The following CHN2 variants were observed in gnomAD, a reference collection of about 807,000 sequenced individuals.
The protein encoded by CHN2 is chimerin 2.
A neutral mutation model predicts 56.3 loss-of-function variants in CHN2; 35 were observed. That is an observed-to-expected ratio of 0.62 (90% CI 0.47 to 0.82). The LOEUF (loss-of-function observed/expected upper bound fraction) is 0.82, where lower values mean the gene tolerates loss of function less well. CHN2 is among the 40% of genes least tolerant of loss of function. The pLI, the probability that CHN2 is intolerant of heterozygous loss-of-function variation, is 0.00. For missense variants in CHN2, 491 were observed against 580.5 expected (o/e 0.85, Z 1.58); for synonymous variants, 210 against 212.8 (o/e 0.99, Z 0.12).
At chr7:29,199,792 T>G (rs1202854708) in intron 1 of CHN2, 1 of 152,212 alleles carries the variant, frequency 6.6e-6, no homozygotes, top group African/African-American at 2.4e-5. Context: ...ACCCAGTGAT[T>G]TGTGAACTTG....
intron 1 of CHN2, among the ~76,000 whole-genome samples, chr7:29,322,013 C>T (rs1171865513): frequency 2.0e-5 from 3 of 152,192 alleles, no homozygotes; most frequent in Admixed American, 1.3e-4. Context: ...AAATAGAGTG[C>T]TCTTAGCCCT....
intron 1 of CHN2, chr7:29,212,773 G>T: frequency 6.2e-7 from 1 of 1,610,220 alleles, no homozygotes. Context: ...AAAACAACTG[G>T]CCGAAGAATA....
At chr7:29,390,483 G>A (rs543445909) in intron 3 of CHN2, among the ~76,000 whole-genome samples, 2 of 152,276 alleles carry the variant, frequency 1.3e-5, no homozygotes, top group South Asian at 4.1e-4. Flanking sequence ...TTCTTGTCAT[G>A]ATATATTGCA....
At chr7:29,250,485 G>A (rs1788405306) in intron 1 of CHN2, among the ~76,000 whole-genome samples, 1 of 152,200 alleles carries the variant, frequency 6.6e-6, no homozygotes, top group Admixed American at 6.5e-5. Flanking sequence ...AACAGCAACA[G>A]AGGTGTCTGA....
chr7:29,268,283 AACACACACACAC>A (rs145638795), intron 1 of CHN2, among the ~76,000 whole-genome samples: 32 of 134,244 alleles, frequency 2.4e-4, no homozygotes, highest in African/African-American at 4.2e-4. Flanking sequence ...GCTTCACCAG[AACACACACACAC>A]ACACACACAC....
chr7:29,376,780 C>T (rs17157833), intron 3 of CHN2, among the ~76,000 whole-genome samples: 55,247 of 151,968 alleles, frequency 0.36, 10,444 homozygotes, highest in African/African-American at 0.43. Context: ...TACTTCCTCC[C>T]AGATGTTATT....
intron 2 of CHN2, among the ~76,000 whole-genome samples, chr7:29,185,941 G>A (rs1798656170): frequency 1.3e-5 from 2 of 152,110 alleles, no homozygotes; most frequent in African/African-American, 2.4e-5. Context: ...AGGGAAACTC[G>A]CCCATGTGAA....
intron 7 of CHN2, among the ~76,000 whole-genome samples, chr7:29,494,971 A>AAAAAAAAAAG (rs1789106026): frequency 1.3e-5 from 2 of 150,502 alleles, no homozygotes; most frequent in Non-Finnish European, 3.0e-5. Context: ...AAAAAAAAAA[A>AAAAAAAAAAG]AAAAAAAAAA....
At chr7:29,261,868 G>A (rs1041126222) in intron 1 of CHN2, among the ~76,000 whole-genome samples, 2 of 152,174 alleles carry the variant, frequency 1.3e-5, no homozygotes, top group African/African-American at 2.4e-5. Context: ...ATTTTAAAGA[G>A]CAATAAAGTA....
intron 6 of CHN2, among the ~76,000 whole-genome samples, chr7:29,444,972 AAG>A (rs1328519869): frequency 6.6e-6 from 1 of 152,200 alleles, no homozygotes; most frequent in East Asian, 1.9e-4. Flanking sequence ...AATAGAAGAA[AAG>A]AGAGGTTTAT....
At chr7:29,417,932 A>G (rs1803941440) in intron 6 of CHN2, among the ~76,000 whole-genome samples, 2 of 152,198 alleles carry the variant, frequency 1.3e-5, no homozygotes, top group Non-Finnish European at 2.9e-5. Flanking sequence ...GCCTGGCTTG[A>G]AGATGGCAGC....
intron 3 of CHN2, among the ~76,000 whole-genome samples, chr7:29,385,049 G>A (rs1800812356): frequency 6.6e-6 from 1 of 152,092 alleles, no homozygotes; most frequent in African/African-American, 2.4e-5. Flanking sequence ...TTCCAGGGAG[G>A]GAGGAGGTTC....
At chr7:29,161,353 C>A (rs1215259449) in intron 2 of CHN2, among the ~76,000 whole-genome samples, 1 of 152,112 alleles carries the variant, frequency 6.6e-6, no homozygotes, top group Non-Finnish European at 1.5e-5. Flanking sequence ...TCAGGAAAAC[C>A]TAAGGATTTC....
chr7:29,380,319 AG>A (rs1800396739), intron 3 of CHN2, among the ~76,000 whole-genome samples: 1 of 152,340 alleles, frequency 6.6e-6, no homozygotes, highest in Admixed American at 6.5e-5. Context: ...ATATGTATAA[AG>A]CACAAATACC....
chr7:29,304,959 G>A (rs1296184308), intron 1 of CHN2, among the ~76,000 whole-genome samples: 1 of 152,170 alleles, frequency 6.6e-6, no homozygotes, highest in Non-Finnish European at 1.5e-5. Context: ...TTGTCAGGGC[G>A]GAGGATACGT....
chr7:29,211,261 G>C (rs1359199982), intron 1 of CHN2, among the ~76,000 whole-genome samples: 3 of 148,026 alleles, frequency 2.0e-5, no homozygotes, highest in Non-Finnish European at 3.0e-5. Context: ...TTTTTTTTTA[G>C]TAGAGATGGG....
chr7:29,146,930 G>C, exon 2 of CHN2: 2 of 1,551,150 alleles, frequency 1.3e-6, no homozygotes, highest in Non-Finnish European at 1.7e-6. Flanking sequence ...ACACACGTTC[G>C]CTGATGGTCT....
At chr7:29,237,240 T>TTTA (rs1787270639) in intron 1 of CHN2, among the ~76,000 whole-genome samples, 2 of 152,344 alleles carry the variant, frequency 1.3e-5, no homozygotes, top group Admixed American at 6.5e-5. Context: ...GAATTAGCAG[T>TTTA]GTCTTATCTC....
chr7:29,512,170 G>A (rs569005828), intron 12 of CHN2, among the ~76,000 whole-genome samples: 16 of 145,630 alleles, frequency 1.1e-4, no homozygotes, highest in Admixed American at 8.2e-4. Context: ...CCAGCAGGAA[G>A]CCACAAGAGG....
Sources: allele counts gnomAD v4.1 joint callset (sites outside exome capture counted in the v4.1 genomes callset), GRCh38; gene constraint gnomAD v4.1.1; transcripts MANE v1.5; gene names NCBI Gene and HGNC (gene_info 2026-07-23, HGNC 2026-07-21).